The following KLHL13 variants were observed in gnomAD, a reference collection of about 807,000 sequenced individuals.
KLHL13 encodes the protein kelch like family member 13.
Under a neutral mutation model 37.1 loss-of-function variants are expected in KLHL13, and 10 were observed. The observed-to-expected ratio is 0.27, with a 90% CI of 0.17 to 0.46. KLHL13 has a LOEUF of 0.46. Ranked by LOEUF, KLHL13 falls within the 20% of genes least tolerant of loss-of-function variation. KLHL13 has a pLI of 1.00. For synonymous variants in KLHL13, 163 were observed against 181.2 expected, an observed-to-expected ratio of 0.90 and a Z score of 0.81; for missense variants, 360 against 509.3, an observed-to-expected ratio of 0.71 and a Z score of 2.82.
At chrX:117,913,201 T>C (rs953730839) in intron 4 of KLHL13, among the ~76,000 whole-genome samples, 7 of 86,425 alleles carry the variant, frequency 8.1e-5, no homozygotes, top group African/African-American at 4.3e-5. Context: ...CACTTCTCCA[T>C]CATGATTCTT....
At chrX:117,909,791 G>A (rs766533629) in exon 5 of KLHL13, 1 of 1,211,658 alleles carries the variant, frequency 8.3e-7, no homozygotes, top group Non-Finnish European at 1.1e-6. Context: ...CGTAATTAAT[G>A]AGCTCCTGTG....
At chrX:118,092,669 CCTCTT>C (rs2148153852) in intron 1 of KLHL13, among the ~76,000 whole-genome samples, 1 of 111,756 alleles carries the variant, frequency 8.9e-6, no homozygotes, top group East Asian at 2.8e-4. Context: ...CCTTCCCCCT[CCTCTT>C]GAGTTCTGTA....
At chrX:118,072,490 T>G (rs1319352477) in intron 1 of KLHL13, among the ~76,000 whole-genome samples, 6 of 111,289 alleles carry the variant, frequency 5.4e-5, no homozygotes, top group Non-Finnish European at 1.1e-4. Flanking sequence ...GGGATCTAAT[T>G]CAACTAAAGA....
chrX:117,936,725 G>C (rs57665681), intron 2 of KLHL13, among the ~76,000 whole-genome samples: 18,030 of 110,020 alleles, frequency 0.16, 2,072 homozygotes, highest in African/African-American at 0.41. Flanking sequence ...CATTAATGAC[G>C]CAGGGGCTCA....
chrX:118,025,838 C>G (rs1309524708), intron 1 of KLHL13, among the ~76,000 whole-genome samples: 1 of 112,269 alleles, frequency 8.9e-6, no homozygotes, highest in Non-Finnish European at 1.9e-5. Flanking sequence ...GCAGCTTGTG[C>G]TAGTTCTGCT....
intron 5 of KLHL13, among the ~76,000 whole-genome samples, chrX:117,904,248 T>C (rs1930347102): frequency 9.0e-6 from 1 of 111,723 alleles, no homozygotes; most frequent in East Asian, 2.8e-4. Flanking sequence ...CAATTCTCCA[T>C]GCAGAGTTGC....
At chrX:117,947,707 G>T (rs1027434500) in intron 1 of KLHL13, 1 of 111,807 alleles carries the variant, frequency 8.9e-6, no homozygotes, top group Non-Finnish European at 1.9e-5. Flanking sequence ...AGTATCTTTT[G>T]ACTTTTTAAC....
intron 1 of KLHL13, among the ~76,000 whole-genome samples, chrX:118,061,624 T>G (rs1419186004): frequency 8.9e-6 from 1 of 111,916 alleles, no homozygotes; most frequent in Non-Finnish European, 1.9e-5. Flanking sequence ...CTAGAGCATT[T>G]CTAATTATAT....
At chrX:118,091,846 G>A (rs2055139809) in intron 1 of KLHL13, among the ~76,000 whole-genome samples, 3 of 111,370 alleles carry the variant, frequency 2.7e-5, no homozygotes, top group African/African-American at 9.8e-5. Flanking sequence ...ACACACCATG[G>A]AATACTACTC....
exon 1 of KLHL13, chrX:117,972,980 T>C: frequency 9.3e-7 from 1 of 1,075,001 alleles, no homozygotes. Context: ...ATGCTTCCAA[T>C]CTGTAAAATA....
At chrX:118,086,411 A>G (rs1486182615) in intron 1 of KLHL13, among the ~76,000 whole-genome samples, 1 of 111,784 alleles carries the variant, frequency 8.9e-6, no homozygotes, top group East Asian at 2.8e-4. Flanking sequence ...ACTGATGAAA[A>G]TGTTCTAGAA....
intron 1 of KLHL13, among the ~76,000 whole-genome samples, chrX:117,979,087 C>T (rs183739561): frequency 4.5e-5 from 5 of 110,456 alleles, no homozygotes; most frequent in Non-Finnish European, 7.6e-5. Flanking sequence ...TGCGCCACCA[C>T]GCCCGGCTAA....
At chrX:118,070,506 T>C (rs377447886) in intron 1 of KLHL13, among the ~76,000 whole-genome samples, 32 of 111,967 alleles carry the variant, frequency 2.9e-4, no homozygotes, top group African/African-American at 1.0e-3. Flanking sequence ...TTTGATGGCC[T>C]AGTATATGGT....
At chrX:118,089,607 AG>A (rs1186322245) in intron 1 of KLHL13, among the ~76,000 whole-genome samples, 63 of 83,980 alleles carry the variant, frequency 7.5e-4, no homozygotes, top group African/African-American at 2.9e-3. Context: ...AGAGAGAGAG[AG>A]AGAGAAAGAA....
At chrX:117,968,585 AAAC>A (rs933383595) in intron 1 of KLHL13, among the ~76,000 whole-genome samples, 1 of 111,839 alleles carries the variant, frequency 8.9e-6, no homozygotes, top group African/African-American at 3.2e-5. Flanking sequence ...TAAGTAATAA[AAAC>A]AAAATTAAGT....
intron 1 of KLHL13, among the ~76,000 whole-genome samples, chrX:118,097,455 C>A (rs2055225098): frequency 9.0e-6 from 1 of 111,675 alleles, no homozygotes; most frequent in African/African-American, 3.3e-5. Context: ...AAAGAACATT[C>A]CATGCTCATG....
At chrX:118,109,071 G>A (rs757245335) in intron 1 of KLHL13, among the ~76,000 whole-genome samples, 11 of 112,018 alleles carry the variant, frequency 9.8e-5, no homozygotes, top group Non-Finnish European at 1.7e-4. Flanking sequence ...CCGCCTAGGC[G>A]TCCCAAAGTG....
chrX:117,957,866 G>T (rs2053228072), intron 1 of KLHL13, among the ~76,000 whole-genome samples: 1 of 111,529 alleles, frequency 9.0e-6, no homozygotes, highest in Admixed American at 9.6e-5. Context: ...ATGATGAACA[G>T]CATGCAAAAA....
exon 5 of KLHL13, chrX:117,909,644 G>A (rs1930834206): frequency 8.3e-7 from 1 of 1,211,514 alleles, no homozygotes; most frequent in Non-Finnish European, 1.1e-6. Flanking sequence ...GTGTAACCAA[G>A]TGAGTGGTGT....
Sources: allele counts gnomAD v4.1 joint callset (sites outside exome capture counted in the v4.1 genomes callset), GRCh38; gene constraint gnomAD v4.1.1; transcripts MANE v1.5; gene names NCBI Gene and HGNC (gene_info 2026-07-23, HGNC 2026-07-21).